The following DST variants were observed in gnomAD, a reference collection of about 807,000 sequenced individuals.
DST encodes the protein dystonin, also known as bullous pemphigoid antigen.
In DST, 253 loss-of-function variants were observed where a neutral mutation model predicts 875.2. The observed-to-expected ratio is 0.29, with a 90% confidence interval of 0.26 to 0.32. The LOEUF is 0.32. DST is among the 10% of genes least tolerant of loss of function. DST has a pLI of 1.00. For missense variants in DST, 8,287 were observed against 9,111.6 expected (o/e 0.91, Z 3.68); for synonymous variants, 3,124 against 3,197.1 (o/e 0.98, Z 0.77).
At chr6:56,626,393 G>A (rs974139172) in intron 34 of DST, among the ~76,000 whole-genome samples, 6 of 152,010 alleles carry the variant, frequency 3.9e-5, no homozygotes, top group African/African-American at 1.4e-4. Context: ...CCTTTAATAT[G>A]TTTAGATACA....
chr6:56,649,281 T>G (rs999953279), intron 12 of DST, among the ~76,000 whole-genome samples: 12 of 152,240 alleles, frequency 7.9e-5, no homozygotes, highest in African/African-American at 2.2e-4. Context: ...TGCTTATTAT[T>G]ATGTTCAAAG....
intron 67 of DST, among the ~76,000 whole-genome samples, 168 bp from the exon 68 acceptor site, chr6:56,527,902 A>T (rs554262355): frequency 6.6e-6 from 1 of 152,346 alleles, no homozygotes; most frequent in East Asian, 1.9e-4. Flanking sequence ...AATCTTTCCC[A>T]AGATTTCCAG....
intron 4 of DST, among the ~76,000 whole-genome samples, chr6:56,762,872 CAG>C (rs1451326285): frequency 1.9e-5 from 2 of 104,446 alleles, no homozygotes; most frequent in Admixed American, 2.6e-4. Context: ...TTTTTTGAGA[CAG>C]AGTTTCACTC....
intron 72 of DST, among the ~76,000 whole-genome samples, chr6:56,511,741 C>T (rs907506080): frequency 2.6e-5 from 4 of 152,070 alleles, no homozygotes; most frequent in African/African-American, 7.2e-5. Context: ...ATTCTGAACT[C>T]GCTATGTCCC....
rs202229877 is a variant in DST at position 56,619,257 on chromosome 6, T to G, written c.4930-4773A>C. The G allele has an allele frequency of 5.0e-6, 8 of 1,613,068 alleles. No individual in the cohort carries two copies. The Admixed American group carries it at 1.0e-4, about 20-fold the overall frequency. On this transcript the variant is annotated intron_variant, in intron 36 of 103. Transcript: ENST00000680361. ...ACTATATTCTCTGATTCTGCCTGAA[T>G]TCTCTGCATCATTAATTTGGTTTCA...
intron 90 of DST, among the ~76,000 whole-genome samples, chr6:56,478,108 T>C (rs1023678328): frequency 2.6e-5 from 4 of 152,130 alleles, no homozygotes; most frequent in Non-Finnish European, 5.9e-5. Context: ...TAATGGAGAA[T>C]AGCATTGGGA....
At chr6:56,639,145 G>A in intron 22 of DST, 114 bp downstream of exon 22, 3 of 901,990 alleles carry the variant, frequency 3.3e-6, no homozygotes, top group South Asian at 2.8e-5. Context: ...TTCTGAGCCA[G>A]GTTTTAATAA....
chr6:56,576,883 T>A (rs892953996), intron 50 of DST, among the ~76,000 whole-genome samples: 2 of 152,146 alleles, frequency 1.3e-5, no homozygotes, highest in Admixed American at 1.3e-4. Context: ...CTATTGGAAA[T>A]AAATGTATGT....
At chr6:56,644,977 G>C (rs1224082487) in intron 15 of DST, among the ~76,000 whole-genome samples, 1 of 152,212 alleles carries the variant, frequency 6.6e-6, no homozygotes, top group African/African-American at 2.4e-5. Context: ...TGACGGTTTT[G>C]TAAATGGGAG....
At chr6:56,933,958 T>C (rs1811533585) in intron 2 of DST, among the ~76,000 whole-genome samples, 1 of 152,164 alleles carries the variant, frequency 6.6e-6, no homozygotes, top group African/African-American at 2.4e-5. Flanking sequence ...TAAGAGCCAA[T>C]TCCTACATTG....
In DST at chr6:56,601,631, T is replaced by C; in HGVS notation, c.11353A>G (p.Thr3785Ala). The C allele has an allele frequency of 6.3e-7, 1 of 1,594,692 alleles. No individual in the cohort carries two copies. The highest frequency in any genetic ancestry group is 8.5e-7 in the Non-Finnish European group (1 of 1,169,876). ...LGHTKMQLETTAFDVQFFISE... is the reference protein window; with the variant it reads ...LGHTKMQLETAAFDVQFFISE... The stretch of plus-strand genomic sequence containing the variant: ...ATGAAGAACTGCACATCAAAGGCAG[T>C]AGTCTCCAGCTGCATTTTGGTATGT... Residue 3785 changes from threonine to alanine, a missense_variant, in exon 44 of 104, where the codon ACT (threonine) becomes GCT (alanine). Around this residue, in one of 10 missense-constraint regions of DST, gnomAD observed 3,138 missense variants for 3,116.6 expected, o/e 1.01. Transcript: ENST00000680361.
chr6:56,611,718 A>G (rs2098546858), intron 37 of DST, 122 bp from the exon 38 acceptor site: 2 of 659,630 alleles, frequency 3.0e-6, no homozygotes, highest in Non-Finnish European at 5.2e-6. Flanking sequence ...GGGTGACCCA[A>G]GTGAATAACC....
chr6:56,591,074 C>T (rs1185127606), intron 49 of DST, among the ~76,000 whole-genome samples: 1 of 152,228 alleles, frequency 6.6e-6, no homozygotes, highest in African/African-American at 2.4e-5. Flanking sequence ...TAATAACCTA[C>T]TATTATTAAC....
chr6:56,770,446 TC>T (rs1938103232), intron 4 of DST, among the ~76,000 whole-genome samples: 1 of 152,160 alleles, frequency 6.6e-6, no homozygotes, highest in South Asian at 2.1e-4. Flanking sequence ...TTTATAAAGA[TC>T]ATAATTTCTC....
chr6:56,614,440 T>C lies in DST; in HGVS notation c.4974A>G (p.Lys1658=). Residue 1658 remains lysine, a synonymous_variant, in exon 37 of 104, where the codon AAA becomes AAG. Transcript: ENST00000680361. The part of the protein sequence containing the change: ...EEKKEHVEKA[K]ELQKWVSNIS... ...TATTTGATACCCATTTTTGCAATTCTTTGGCTTTTTCAACATGTTCTTTCT... is the reference window on the plus strand; with the variant it reads ...TATTTGATACCCATTTTTGCAATTCCTTGGCTTTTTCAACATGTTCTTTCT... 6.2e-7 allele frequency: 1 copy of C among 1,610,030 alleles called. No individual in the cohort carries two copies. Among genetic ancestry groups the C allele is most frequent in the Non-Finnish European group, 8.5e-7 (1 of 1,178,234 alleles).
chr6:56,581,664 C>CA (rs2097999388), intron 49 of DST, among the ~76,000 whole-genome samples: 1 of 152,232 alleles, frequency 6.6e-6, no homozygotes. Flanking sequence ...GGCCTATTCC[C>CA]AGCTTTAATT....
At chr6:56,602,770 G>T (rs2098457856) in intron 43 of DST, 112 bp downstream of exon 43, 1 of 776,290 alleles carries the variant, frequency 1.3e-6, no homozygotes, top group Non-Finnish European at 1.9e-6. Context: ...TAGAGACAAA[G>T]AAAGGAAATA....
intron 3 of DST, among the ~76,000 whole-genome samples, chr6:56,886,717 G>T (rs1045355623): frequency 1.5e-4 from 22 of 150,828 alleles, no homozygotes; most frequent in Non-Finnish European, 8.8e-5. Context: ...GGAGTTTGCG[G>T]TGAGCCGGAG....
chr6:56,757,157 G>C (rs2099606162), intron 4 of DST, among the ~76,000 whole-genome samples: 1 of 152,202 alleles, frequency 6.6e-6, no homozygotes, highest in Admixed American at 6.5e-5. Context: ...CTGAGAAACA[G>C]TGACAGATGG....
Sources: allele counts gnomAD v4.1 joint callset (sites outside exome capture counted in the v4.1 genomes callset), GRCh38; gene constraint gnomAD v4.1.1; regional missense constraint gnomAD v4.1.1; transcripts MANE v1.5; gene names NCBI Gene and HGNC (gene_info 2026-07-23, HGNC 2026-07-21).